Variants in IDO1 observed in about 807,000 individuals in gnomAD.
IDO1 encodes the protein indolamine 2,3 dioxygenase.
IDO1 carries 35 observed loss-of-function variants against 38.8 expected under a neutral mutation model. The observed-to-expected ratio is 0.90, with a 90% confidence interval of 0.69 to 1.20. IDO1 has a LOEUF of 1.20. IDO1 is among the 50% of genes most tolerant of loss of function. The probability of loss-of-function intolerance (pLI) is 0.00; values close to 1 mark genes in which losing one functional copy is unlikely to be tolerated. For missense variants in IDO1, 509 were observed against 485.1 expected (o/e 1.05, Z -0.46); for synonymous variants, 171 against 170.0 (o/e 1.01, Z -0.05).
At chr8:39,916,093 G>T (rs1407049042) in intron 1 of IDO1, among the ~76,000 whole-genome samples, 1 of 152,116 alleles carries the variant, frequency 6.6e-6, no homozygotes, top group South Asian at 2.1e-4. Flanking sequence ...TTGAACCTGG[G>T]AGTCGGAGGT....
chr8:39,921,014 C>G (rs1337398643), intron 5 of IDO1: 1 of 152,020 alleles, frequency 6.6e-6, no homozygotes, highest in African/African-American at 2.4e-5. Context: ...GATGGGGGAA[C>G]CCTTGAAGCA....
At chr8:39,922,510 A>T (rs1443156854) in intron 5 of IDO1, 42 bp from the exon 6 acceptor site, 1 of 1,261,150 alleles carries the variant, frequency 7.9e-7, no homozygotes, top group East Asian at 2.3e-5. Flanking sequence ...ATATCCCATA[A>T]TTTTTGCTAA....
intron 9 of IDO1, among the ~76,000 whole-genome samples, chr8:39,926,623 G>A (rs558985368): frequency 4.6e-5 from 7 of 152,094 alleles, no homozygotes; most frequent in Admixed American, 6.5e-5. Context: ...GGAAAGCATC[G>A]GGCTGGGTAA....
rs1041087569 is a variant in IDO1, at chr8:39,928,529, C to G, written c.*344C>G. 1.0e-4 allele frequency: 17 copies of G among 170,072 alleles called. No homozygotes were observed. Among genetic ancestry groups the G allele is most frequent in the Non-Finnish European group, 1.8e-4 (14 of 78,902 alleles). The allele number at this position is 170,072 out of a possible 1,614,324, so 10.5% of individuals were successfully genotyped here. ...CGGGCGGATCACAAGGTCAGGAGAT[C>G]GAGACCATCTTGGCTAACACGGTGA... is the stretch of plus-strand genomic sequence containing the variant. On this transcript the variant is annotated 3_prime_UTR_variant, in exon 10 of 10. Transcript: ENST00000518237.
At chr8:39,924,910 A>G (rs1807336929) in intron 8 of IDO1, 138 bp downstream of exon 8, 1 of 732,022 alleles carries the variant, frequency 1.4e-6, no homozygotes, top group East Asian at 2.7e-5. Context: ...AAAATACTAG[A>G]CTGTTCTGTT....
At chr8:39,923,800 T>A in intron 7 of IDO1, 2 of 353,812 alleles carry the variant, frequency 5.7e-6, no homozygotes, top group Non-Finnish European at 1.0e-5. Flanking sequence ...ACAGGGTAAA[T>A]GACTTCAGAT....
chr8:39,916,818 C>T (rs1807181298), intron 1 of IDO1, among the ~76,000 whole-genome samples: 4 of 152,088 alleles, frequency 2.6e-5, no homozygotes, highest in Admixed American at 1.3e-4. Flanking sequence ...AAATTTTATA[C>T]TTGTTGAAAG....
rs1173956555 is a variant in IDO1, at chr8:39,925,236, C to A, written c.721C>A (p.Pro241Thr). 7.5e-6 allele frequency: 12 copies of A among 1,591,630 alleles called. No homozygotes were observed. Among genetic ancestry groups the A allele is most frequent in the Non-Finnish European group, 1.0e-5 (12 of 1,171,050 alleles). ...RIYLSGWKGN[P>T]QLSDGLVYEG... is the part of the protein sequence containing the mutation. ...TTCCTCTGATAGCTGGAAAGGCAACCCCCAGCTATCAGACGGTCTGGTGTA... is the reference window on the plus strand; with the variant it reads ...TTCCTCTGATAGCTGGAAAGGCAACACCCAGCTATCAGACGGTCTGGTGTA... Residue 241 changes from proline to threonine, a missense_variant, in exon 9 of 10, where the codon CCC becomes ACC. Pro to Thr is a conservative substitution (Grantham distance 38). Coordinates refer to ENST00000518237, the MANE Select transcript of IDO1 (RefSeq NM_002164.6).
intron 5 of IDO1, among the ~76,000 whole-genome samples, chr8:39,921,460 T>A (rs1236745565): frequency 1.3e-5 from 2 of 151,994 alleles, no homozygotes; most frequent in African/African-American, 4.8e-5. Flanking sequence ...CTCAAAAAAT[T>A]AAAATAAAAA....
Position 39,928,650 on chromosome 8 carries a change from G to A in IDO1, c.*465G>A, listed in dbSNP as rs557391783. Among the ~76,000 whole-genome samples, 4 of 151,422 alleles carry A rather than the reference G, an allele frequency of 2.6e-5. No individual in the cohort carries two copies. Among genetic ancestry groups the A allele is most frequent in the African/African-American group, 9.7e-5 (4 of 41,264 alleles). ...CGGGAGGCTGAGGCAGGAGAATGGC[G>A]TGAACCTGGGAGGCGGAGCTTGCAG... On this transcript the variant is annotated 3_prime_UTR_variant, in exon 10 of 10. Transcript: ENST00000518237.
intron 5 of IDO1, chr8:39,920,791 T>A (rs895118486): frequency 2.7e-5 from 4 of 150,790 alleles, no homozygotes; most frequent in Non-Finnish European, 4.4e-5. Flanking sequence ...ATCACGCCAC[T>A]GCATTCCAGC....
At chr8:39,924,671 C>T (rs765811452) in intron 7 of IDO1, 50 bp from the exon 8 acceptor site, 14 of 1,319,288 alleles carry the variant, frequency 1.1e-5, no homozygotes, top group African/African-American at 1.4e-5. Flanking sequence ...CCTTGATTTC[C>T]CTGTATACCT....
At chr8:39,919,831 C>A (rs997754281) in intron 4 of IDO1, among the ~76,000 whole-genome samples, 2 of 152,062 alleles carry the variant, frequency 1.3e-5, no homozygotes, top group South Asian at 2.1e-4. Flanking sequence ...CAGAATGAGA[C>A]CCTGTCTCAA....
chr8:39,927,458 G>T (rs1807379318), intron 9 of IDO1, among the ~76,000 whole-genome samples: 1 of 151,624 alleles, frequency 6.6e-6, no homozygotes, highest in African/African-American at 2.4e-5. Flanking sequence ...TACTCCGGAG[G>T]CTGAGGCAGG....
chr8:39,914,222 T>C (rs529620674), intron 1 of IDO1: 80 of 452,444 alleles, frequency 1.8e-4, no homozygotes, highest in African/African-American at 1.5e-3. Flanking sequence ...ATTTCTTACT[T>C]ACCTAACATG....
intron 5 of IDO1, among the ~76,000 whole-genome samples, chr8:39,921,704 A>T (rs908396997): frequency 2.6e-5 from 4 of 152,200 alleles, no homozygotes; most frequent in Non-Finnish European, 5.9e-5. Flanking sequence ...AAACTCATAG[A>T]TATACAGATA....
chr8:39,914,937 T>C (rs928286945), intron 1 of IDO1, among the ~76,000 whole-genome samples: 10 of 152,150 alleles, frequency 6.6e-5, no homozygotes, highest in African/African-American at 2.4e-4. Context: ...AGCTACTTTT[T>C]TGTATTTTTA....
intron 4 of IDO1, among the ~76,000 whole-genome samples, chr8:39,919,657 C>T (rs1301401272): frequency 1.3e-5 from 2 of 152,014 alleles, no homozygotes; most frequent in East Asian, 3.9e-4. Flanking sequence ...TAGAAAGTTT[C>T]TTCTTATTAA....
intron 9 of IDO1, 136 bp from the exon 10 acceptor site, chr8:39,927,694 C>T: frequency 4.4e-6 from 2 of 458,274 alleles, no homozygotes; most frequent in Middle Eastern, 5.0e-4. Context: ...AAACATTAGC[C>T]TTCAAATAGA....
Sources: allele counts gnomAD v4.1 joint callset (sites outside exome capture counted in the v4.1 genomes callset), GRCh38; gene constraint gnomAD v4.1.1; transcripts MANE v1.5; gene names NCBI Gene and HGNC (gene_info 2026-07-23, HGNC 2026-07-21).